The following GALNTL6 variants were observed in gnomAD, a reference collection of about 807,000 sequenced individuals.
GALNTL6 encodes the protein polypeptide N-acetylgalactosaminyltransferase-like 6.
Under a neutral mutation model 73.7 loss-of-function variants are expected in GALNTL6, and 46 were observed. The observed-to-expected ratio is 0.62, with a 90% CI of 0.49 to 0.80. GALNTL6 has a LOEUF of 0.80. Ranked by LOEUF, GALNTL6 falls within the 30% of genes least tolerant of loss-of-function variation. The pLI is 0.00. For synonymous variants in GALNTL6, 259 were observed against 263.7 expected (o/e 0.98, Z 0.17); for missense variants, 604 against 755.0 (o/e 0.80, Z 2.34).
Position 172,506,084 on chromosome 4 carries a change from G to C in GALNTL6, c.553+157395G>C, listed in dbSNP as rs1433448341. On this transcript the variant is annotated intron_variant, in intron 5 of 12. Transcript: ENST00000506823. ...CAGTCATTTGGAGCCTATTGTCCCA[G>C]AGTCATGTGGACCCTAGATTATAGT... Among the ~76,000 whole-genome samples, 6 of 53,960 alleles carry C rather than the reference G, an allele frequency of 1.1e-4. 2 individuals are homozygous for C. Among genetic ancestry groups the C allele is most frequent in the Admixed American group, 5.3e-4 (2 of 3,804 alleles). 35.4% of individuals were successfully genotyped at this position (53,960 alleles called of 152,430 possible). A position where few individuals can be genotyped will look rare whatever the true frequency, so the allele number is the denominator to read the frequency against.
chr4:172,868,417 C>T (rs1247329577), intron 7 of GALNTL6, among the ~76,000 whole-genome samples: 3 of 152,082 alleles, frequency 2.0e-5, no homozygotes, highest in East Asian at 1.9e-4. Context: ...TATGAATACA[C>T]GATATAAAAA....
chr4:172,422,714 T>G (rs1383339277), intron 5 of GALNTL6, among the ~76,000 whole-genome samples: 1 of 151,840 alleles, frequency 6.6e-6, no homozygotes, highest in Non-Finnish European at 1.5e-5. Context: ...ACAGGTCTAA[T>G]GGATAATCCA....
At chr4:171,971,498 T>C (rs916508518) in intron 2 of GALNTL6, among the ~76,000 whole-genome samples, 2 of 152,152 alleles carry the variant, frequency 1.3e-5, no homozygotes, top group Admixed American at 6.5e-5. Context: ...TGATAGTAAA[T>C]AAAAGTTAAA....
At chr4:172,123,650 T>A (rs937842248) in intron 2 of GALNTL6, among the ~76,000 whole-genome samples, 1 of 151,848 alleles carries the variant, frequency 6.6e-6, no homozygotes, top group African/African-American at 2.4e-5. Context: ...TACAGACGTG[T>A]GCCACCATGC....
intron 2 of GALNTL6, among the ~76,000 whole-genome samples, chr4:171,941,302 C>T (rs540234480): frequency 6.6e-6 from 1 of 152,232 alleles, no homozygotes; most frequent in African/African-American, 2.4e-5. Flanking sequence ...ACCATTTGAT[C>T]TTCACCCTTT....
chr4:172,405,541 T>C (rs1744210364), intron 5 of GALNTL6, among the ~76,000 whole-genome samples: 2 of 149,712 alleles, frequency 1.3e-5, no homozygotes, highest in African/African-American at 4.9e-5. Context: ...TAGCTACACA[T>C]ATAACCATGT....
intron 5 of GALNTL6, among the ~76,000 whole-genome samples, chr4:172,434,580 A>G (rs1203080459): frequency 6.6e-6 from 1 of 152,152 alleles, no homozygotes; most frequent in African/African-American, 2.4e-5. Context: ...AATAAATTGT[A>G]TTCTTTCTTT....
intron 2 of GALNTL6, among the ~76,000 whole-genome samples, chr4:171,972,279 G>A (rs1485617257): frequency 6.6e-6 from 1 of 151,700 alleles, no homozygotes; most frequent in African/African-American, 2.4e-5. Context: ...ATTTTCTTTT[G>A]GGATTATAGC....
chr4:172,966,065 G>A (rs1177666659), intron 10 of GALNTL6, among the ~76,000 whole-genome samples: 1 of 152,160 alleles, frequency 6.6e-6, no homozygotes, highest in Non-Finnish European at 1.5e-5. Flanking sequence ...ATGTTAGACT[G>A]AAAAATTAAG....
chr4:171,902,336 G>A (rs924453728), intron 2 of GALNTL6, among the ~76,000 whole-genome samples: 20 of 152,210 alleles, frequency 1.3e-4, no homozygotes, highest in Non-Finnish European at 2.5e-4. Context: ...TCAGGTGTCT[G>A]CAAATTTGGA....
intron 5 of GALNTL6, among the ~76,000 whole-genome samples, chr4:172,789,488 T>C (rs1739873114): frequency 6.6e-6 from 1 of 152,188 alleles, no homozygotes; most frequent in Non-Finnish European, 1.5e-5. Context: ...ATAATTCTTC[T>C]TCCAATGTGA....
At chr4:172,476,530 C>T (rs1733240338) in intron 5 of GALNTL6, among the ~76,000 whole-genome samples, 1 of 152,176 alleles carries the variant, frequency 6.6e-6, no homozygotes, top group Non-Finnish European at 1.5e-5. Context: ...TTCCCAACTT[C>T]CACTGTTATA....
rs1554003003 is a variant in GALNTL6, at chr4:172,206,805, G to GTTTGTTTTTTTTT, written c.139-22848_139-22847insGTTTTTTTTTTTT. ...TTGTTTTGTTTTGTTTTGTTTTTCT[G>GTTTGTTTTTTTTT]TTTTTTTTGTTTGTTTTTTTTTTTT... On this transcript the variant is annotated intron_variant, in intron 2 of 12. Transcript: ENST00000506823. 3.5e-3 allele frequency among the ~76,000 whole-genome samples: 91 copies of GTTTGTTTTTTTTT among 26,170 alleles called. 3 individuals carry two copies. Among genetic ancestry groups the GTTTGTTTTTTTTT allele is most frequent in the South Asian group, 9.2e-3 (3 of 326 alleles). The allele number at this position is 26,170 out of a possible 152,430, so 17.2% of individuals were successfully genotyped here.
At chr4:172,237,688 C>T (rs537120127) in intron 3 of GALNTL6, among the ~76,000 whole-genome samples, 1 of 152,038 alleles carries the variant, frequency 6.6e-6, no homozygotes, top group South Asian at 2.1e-4. Flanking sequence ...AATGGTATTT[C>T]CTAGGTTTTC....
intron 8 of GALNTL6, among the ~76,000 whole-genome samples, chr4:172,886,435 C>G (rs1454255129): frequency 1.3e-5 from 2 of 152,140 alleles, no homozygotes; most frequent in East Asian, 3.8e-4. Flanking sequence ...CTCTTCCATT[C>G]TTAGTCTGGC....
intron 2 of GALNTL6, among the ~76,000 whole-genome samples, chr4:171,911,961 T>C (rs1363222437): frequency 1.3e-5 from 2 of 152,160 alleles, no homozygotes; most frequent in East Asian, 3.8e-4. Context: ...ATTTAATCAA[T>C]GTTTTTTAAT....
intron 5 of GALNTL6, among the ~76,000 whole-genome samples, chr4:172,569,667 A>G (rs576026918): frequency 1.2e-4 from 19 of 152,144 alleles, no homozygotes; most frequent in Middle Eastern, 3.4e-3. Context: ...GGGAACATCA[A>G]AGGAAAAGCT....
At chr4:172,138,301 A>G (rs901711505) in intron 2 of GALNTL6, among the ~76,000 whole-genome samples, 1 of 150,872 alleles carries the variant, frequency 6.6e-6, no homozygotes, top group African/African-American at 2.4e-5. Context: ...TGATTTTATC[A>G]TACTTGATAT....
chr4:172,642,988 C>T (rs1373304879), intron 5 of GALNTL6, among the ~76,000 whole-genome samples: 1 of 151,414 alleles, frequency 6.6e-6, no homozygotes, highest in East Asian at 1.9e-4. Flanking sequence ...TTCTAACCAC[C>T]AGCATTTGAT....
Sources: allele counts gnomAD v4.1 joint callset (sites outside exome capture counted in the v4.1 genomes callset), GRCh38; gene constraint gnomAD v4.1.1; transcripts MANE v1.5; gene names NCBI Gene and HGNC (gene_info 2026-07-23, HGNC 2026-07-21).